STXBP6: variants seen among roughly 807,000 people sequenced by gnomAD.
STXBP6 encodes syntaxin-binding protein 6.
STXBP6 carries 21 observed loss-of-function variants against 26.9 expected under a neutral mutation model. The ratio of observed to expected loss-of-function variants is 0.78; its 90% CI spans 0.55 to 1.12. The LOEUF (loss-of-function observed/expected upper bound fraction) is 1.12. Ranked by LOEUF, STXBP6 falls within the 50% of genes most tolerant of loss-of-function variation. STXBP6 has a pLI of 0.00. For missense variants in STXBP6, 232 were observed against 257.9 expected, an observed-to-expected ratio of 0.90 and a Z score of 0.69; for synonymous variants, 97 against 92.6, an observed-to-expected ratio of 1.05 and a Z score of -0.27.
intron 2 of STXBP6, among the ~76,000 whole-genome samples, chr14:24,880,337 T>A (rs1031758660): frequency 6.6e-6 from 1 of 152,104 alleles, no homozygotes; most frequent in Non-Finnish European, 1.5e-5. Context: ...TTGTGAAAAT[T>A]TTCCAGAGAA....
chr14:24,841,309 A>G (rs759172143), intron 4 of STXBP6, among the ~76,000 whole-genome samples: 18 of 152,218 alleles, frequency 1.2e-4, no homozygotes, highest in Non-Finnish European at 2.1e-4. Flanking sequence ...TGCTGGGAAC[A>G]AGCCATCAGT....
intron 2 of STXBP6, among the ~76,000 whole-genome samples, chr14:24,943,703 G>A (rs1408653314): frequency 6.6e-6 from 1 of 152,146 alleles, no homozygotes; most frequent in Non-Finnish European, 1.5e-5. Flanking sequence ...AAAATGTACT[G>A]CTATGTAATT....
intron 2 of STXBP6, among the ~76,000 whole-genome samples, chr14:24,869,625 C>A (rs1327103591): frequency 6.6e-6 from 1 of 152,132 alleles, no homozygotes; most frequent in Non-Finnish European, 1.5e-5. Flanking sequence ...TAAATCGCAT[C>A]ATAATTGGGG....
At chr14:24,936,769 G>A (rs1182121760) in intron 2 of STXBP6, among the ~76,000 whole-genome samples, 1 of 152,084 alleles carries the variant, frequency 6.6e-6, no homozygotes, top group African/African-American at 2.4e-5. Context: ...TAACTGGCGT[G>A]AGAGCAATCC....
At chr14:25,027,974 G>A (rs1187471360) in intron 1 of STXBP6, among the ~76,000 whole-genome samples, 1 of 152,222 alleles carries the variant, frequency 6.6e-6, no homozygotes, top group Non-Finnish European at 1.5e-5. Flanking sequence ...TACGAAGGCT[G>A]AAAGAGGTGA....
At chr14:24,949,155 C>T (rs1391960301) in intron 2 of STXBP6, among the ~76,000 whole-genome samples, 1 of 152,154 alleles carries the variant, frequency 6.6e-6, no homozygotes, top group African/African-American at 2.4e-5. Flanking sequence ...TTTTATTTTA[C>T]AGACAAATGC....
chr14:24,982,080 G>C (rs1166257696), intron 1 of STXBP6, among the ~76,000 whole-genome samples: 4 of 152,208 alleles, frequency 2.6e-5, no homozygotes, highest in Admixed American at 2.0e-4. Context: ...AAACAGGTCA[G>C]AGATTCTGCA....
chr14:24,814,388 G>A (rs1012002594), intron 5 of STXBP6, among the ~76,000 whole-genome samples: 1 of 152,228 alleles, frequency 6.6e-6, no homozygotes, highest in Non-Finnish European at 1.5e-5. Context: ...ACACAGAGTG[G>A]TTAAGTGTTG....
chr14:24,841,338 A>C (rs2068777893), intron 4 of STXBP6, among the ~76,000 whole-genome samples: 1 of 152,178 alleles, frequency 6.6e-6, no homozygotes, highest in Admixed American at 6.5e-5. Context: ...CCACAGTAGG[A>C]AAACTGTATT....
chr14:25,001,461 A>C (rs566086738), intron 1 of STXBP6, among the ~76,000 whole-genome samples: 1 of 152,318 alleles, frequency 6.6e-6, no homozygotes, highest in Non-Finnish European at 1.5e-5. Flanking sequence ...AGATAGCTTC[A>C]GAATAGGGGT....
chr14:24,953,997 A>G (rs2073259077), intron 2 of STXBP6, among the ~76,000 whole-genome samples: 2 of 152,210 alleles, frequency 1.3e-5, no homozygotes, highest in South Asian at 4.1e-4. Context: ...GGATCCTTGC[A>G]AAGGCTGCCA....
intron 2 of STXBP6, among the ~76,000 whole-genome samples, chr14:24,879,363 A>C (rs1468951260): frequency 6.6e-6 from 1 of 152,218 alleles, no homozygotes; most frequent in East Asian, 1.9e-4. Context: ...ACATGTAAAG[A>C]GTTTTGTACC....
chr14:24,975,629 AGT>A (rs1216570024), intron 1 of STXBP6, among the ~76,000 whole-genome samples: 2 of 152,220 alleles, frequency 1.3e-5, no homozygotes, highest in Non-Finnish European at 2.9e-5. Flanking sequence ...GTTAACTGGC[AGT>A]GGATGCCCAA....
intron 2 of STXBP6, among the ~76,000 whole-genome samples, chr14:24,899,784 AAAAAAAAAAAAAAAAGC>A (rs1179971778): frequency 0.037 from 3,922 of 104,954 alleles, 198 homozygotes; most frequent in African/African-American, 0.14. Context: ...ACATTTCAAA[AAAAAAAAAAAAAAAAGC>A]AAAAAAAAAA....
intron 1 of STXBP6, among the ~76,000 whole-genome samples, chr14:24,985,387 T>C: frequency 6.6e-6 from 1 of 152,218 alleles, no homozygotes; most frequent in Non-Finnish European, 1.5e-5. Context: ...GGCAGTTTTA[T>C]GAGCCTTGCA....
chr14:24,836,713 GT>G (rs1350743196), intron 4 of STXBP6, among the ~76,000 whole-genome samples: 1 of 150,728 alleles, frequency 6.6e-6, no homozygotes, highest in Non-Finnish European at 1.5e-5. Flanking sequence ...TAGGAAGAAA[GT>G]AGGATAGCAG....
intron 2 of STXBP6, among the ~76,000 whole-genome samples, chr14:24,904,708 G>A (rs1320871118): frequency 6.6e-6 from 1 of 152,140 alleles, no homozygotes; most frequent in Non-Finnish European, 1.5e-5. Flanking sequence ...CAGCACAAAG[G>A]CAGCAGTCTA....
At chr14:24,857,232 C>T (rs1236458477) in intron 2 of STXBP6, 75 bp from the exon 3 acceptor site, 22 of 1,588,496 alleles carry the variant, frequency 1.4e-5, no homozygotes, top group Middle Eastern at 1.7e-4. Flanking sequence ...GCTGTTTCTA[C>T]AGGACACCTA....
At chr14:24,969,711 CAT>C (rs1433557779) in intron 2 of STXBP6, among the ~76,000 whole-genome samples, 1 of 152,300 alleles carries the variant, frequency 6.6e-6, no homozygotes, top group Non-Finnish European at 1.5e-5. Context: ...ACCTAATCCA[CAT>C]GAGTGAGCAA....
Sources: gnomAD v4.1 joint callset for allele counts (sites outside exome capture counted in the v4.1 genomes callset) on GRCh38, gnomAD v4.1.1 for gene constraint, MANE v1.5 for transcripts, NCBI Gene and HGNC (gene_info 2026-07-23, HGNC 2026-07-21) for gene names.